FAM178B: variants seen among roughly 807,000 people sequenced by gnomAD.
The protein encoded by FAM178B is family with sequence similarity 178 member B, also known as protein FAM178B.
FAM178B carries 82 observed loss-of-function variants against 91.7 expected under a neutral mutation model. The observed-to-expected ratio is 0.89, with a 90% CI of 0.75 to 1.07. The LOEUF (loss-of-function observed/expected upper bound fraction) is 1.07, where lower values mean the gene tolerates loss of function less well. Ranked by LOEUF, FAM178B falls within the 50% of genes least tolerant of loss-of-function variation. FAM178B has a pLI of 0.00. For synonymous variants in FAM178B, 368 were observed against 359.4 expected (o/e 1.02, Z -0.27); for missense variants, 769 against 846.7 (o/e 0.91, Z 1.14).
rs144133337 is a variant in FAM178B, at chr2:96,901,979, G to T, written c.1650+641C>A. 3.6e-3 allele frequency among the ~76,000 whole-genome samples: 541 copies of T among 152,108 alleles called. 13 individuals carry two copies. In the East Asian group the frequency reaches 0.046, roughly 13 times the overall value. On this transcript the variant is annotated intron_variant, in intron 13 of 16. Transcript: ENST00000490605. ...TGCCCAGCTAGTTTTTGTATTTTTA[G>T]TAGAGACAAGGGTTTCACCACATTG...
At chr2:96,976,634 C>G (rs923898158) in intron 1 of FAM178B, among the ~76,000 whole-genome samples, 1 of 151,636 alleles carries the variant, frequency 6.6e-6, no homozygotes, top group Non-Finnish European at 1.5e-5. Context: ...CACTTGAGGT[C>G]AGGAGTTCAA....
chr2:96,913,770 T>C (rs7592101), intron 12 of FAM178B, among the ~76,000 whole-genome samples: 46,141 of 152,076 alleles, frequency 0.3, 12,463 homozygotes, highest in African/African-American at 0.73. Context: ...GGCCAAGGGG[T>C]GTGGAGCAGC....
chr2:96,972,131 G>T lies in FAM178B; in HGVS notation c.334C>A (p.Pro112Thr). ...GGGTTGAGGAATTCCACGGGCGGGG[G>T]GCTCCAGTCAGTGGGAAACGTTTCC... is the stretch of plus-strand genomic sequence containing the variant. ...PGETFPTDWS[P>T]PPVEFLNPRV... Residue 112 changes from proline (P) to threonine (T), a missense_variant, in exon 3 of 17, where the codon CCC becomes ACC. Transcript: ENST00000490605. 2.6e-6 allele frequency: 4 copies of T among 1,531,016 alleles called. No homozygotes were observed. Among genetic ancestry groups the T allele is most frequent in the Non-Finnish European group, 3.5e-6 (4 of 1,137,112 alleles). The allele number at this position is 1,531,016 out of a possible 1,614,324, so 94.8% of individuals were successfully genotyped here. A position where few individuals can be genotyped will look rare whatever the true frequency, so the allele number is the denominator to read the frequency against.
chr2:96,920,631 C>A (rs1033923558), intron 12 of FAM178B, among the ~76,000 whole-genome samples: 1 of 151,924 alleles, frequency 6.6e-6, no homozygotes, highest in Non-Finnish European at 1.5e-5. Flanking sequence ...TACAGAGCGC[C>A]GAACAGCACG....
chr2:96,884,358 T>C (rs569201541), intron 14 of FAM178B, among the ~76,000 whole-genome samples: 1 of 152,218 alleles, frequency 6.6e-6, no homozygotes, highest in South Asian at 2.1e-4. Flanking sequence ...ACTGTGGACA[T>C]CCCCCTTGGG....
intron 12 of FAM178B, among the ~76,000 whole-genome samples, chr2:96,912,423 C>T (rs1041623002): frequency 6.6e-6 from 1 of 151,958 alleles, no homozygotes; most frequent in Non-Finnish European, 1.5e-5. Context: ...AGGGTGGAAT[C>T]CTGAGGCCCA....
chr2:96,963,431 C>A (rs933224997), intron 5 of FAM178B, among the ~76,000 whole-genome samples: 2 of 152,198 alleles, frequency 1.3e-5, no homozygotes, highest in African/African-American at 4.8e-5. Flanking sequence ...AGTCTACATG[C>A]CCCACCATGC....
intron 13 of FAM178B, chr2:96,895,047 C>G (rs1405566515): frequency 7.8e-7 from 1 of 1,288,470 alleles, no homozygotes; most frequent in African/African-American, 1.5e-5. Context: ...ACTAAGTCCC[C>G]AACAGTCCAT....
intron 12 of FAM178B, among the ~76,000 whole-genome samples, chr2:96,919,957 G>A (rs1168824016): frequency 1.3e-5 from 2 of 152,168 alleles, no homozygotes; most frequent in East Asian, 1.9e-4. Context: ...GGTGTGAGGC[G>A]ATTCAAACTC....
rs967131811 is a variant in FAM178B, at chr2:96,893,940, C to T, written c.1762G>A (p.Glu588Lys). 21 of 1,612,292 alleles carry T rather than the reference C, an allele frequency of 1.3e-5. No individual in the cohort carries two copies. The highest frequency in any genetic ancestry group is 1.8e-5 in the Non-Finnish European group (21 of 1,179,476). ...TGCTCACTCACCTTGTGGTCTAGCT[C>T]GGCACTAGCCTTTGGCTGTTGCTCC... ...CQEQQPKASA[E>K]LDHKACYLCH... The change falls in exon 14 of 17, where the codon GAG becomes AAG. Residue 588 changes from glutamate to lysine, a missense_variant. Transcript: ENST00000490605.
chr2:96,943,100 G>T (rs7597743), intron 8 of FAM178B, among the ~76,000 whole-genome samples: 121,009 of 152,192 alleles, frequency 0.8, 49,690 homozygotes, highest in African/African-American at 0.94. Context: ...AATGATGTCA[G>T]TAATTTTGAC....
intron 10 of FAM178B, among the ~76,000 whole-genome samples, chr2:96,921,857 G>A (rs541246508): frequency 6.0e-4 from 92 of 152,142 alleles, no homozygotes; most frequent in Non-Finnish European, 1.0e-3. Context: ...GCTTGTCAGA[G>A]GCGTTTGAAC....
chr2:96,928,087 G>A (rs903380177), intron 9 of FAM178B, among the ~76,000 whole-genome samples: 3 of 152,180 alleles, frequency 2.0e-5, no homozygotes, highest in Non-Finnish European at 2.9e-5. Flanking sequence ...GCAGACAATT[G>A]CTAAACACAG....
chr2:96,905,543 C>T (rs2081013752), intron 12 of FAM178B, among the ~76,000 whole-genome samples: 1 of 139,160 alleles, frequency 7.2e-6, no homozygotes, highest in Non-Finnish European at 1.5e-5. Context: ...GGCGACAGAG[C>T]GAGACTCCAT....
In FAM178B at chr2:96,957,090, C is replaced by T. The variant is rs371735841; in HGVS notation, c.887+3198G>A. ...ATGTTGGCCAGGCTGCTCTAGAACTCCTGAGCTCAAGCGATCCTCCCAAAG... is the reference window on the plus strand; with the variant it reads ...ATGTTGGCCAGGCTGCTCTAGAACTTCTGAGCTCAAGCGATCCTCCCAAAG... On this transcript the variant is annotated intron_variant, in intron 6 of 16. Coordinates refer to ENST00000490605, the MANE Select transcript of FAM178B (RefSeq NM_001122646.3). 2.2e-4 allele frequency among the ~76,000 whole-genome samples: 34 copies of T among 152,162 alleles called. 5 individuals carry two copies. Among genetic ancestry groups the T allele is most frequent in the Admixed American group, 5.9e-4 (9 of 15,278 alleles).
chr2:96,951,761 G>A (rs1228716308), intron 6 of FAM178B: 16 of 350,350 alleles, frequency 4.6e-5, no homozygotes, highest in East Asian at 6.9e-5. Flanking sequence ...AGTGGCTCAC[G>A]CCTGTAATCC....
chr2:96,975,376 T>A (rs933561456), intron 1 of FAM178B, among the ~76,000 whole-genome samples: 1 of 152,198 alleles, frequency 6.6e-6, no homozygotes, highest in African/African-American at 2.4e-5. Flanking sequence ...ATACATATGT[T>A]AATTAGCTGG....
At chr2:96,945,574 T>C (rs1006846103) in intron 8 of FAM178B, among the ~76,000 whole-genome samples, 1 of 151,988 alleles carries the variant, frequency 6.6e-6, no homozygotes, top group Non-Finnish European at 1.5e-5. Flanking sequence ...ACACAAATCA[T>C]AGATACGGGT....
Position 96,921,206 on chromosome 2 carries a change from C to T in FAM178B, c.1521G>A (p.Leu507=), listed in dbSNP as rs1410482394. Residue 507 remains leucine (L), a synonymous_variant, in exon 12 of 17, where the codon CTG becomes CTA. Coordinates refer to ENST00000490605, the MANE Select transcript of FAM178B (RefSeq NM_001122646.3). The part of the protein sequence containing the change: ...SWVSDHHHNL[L]ALVQFFPDMT... Reference sequence around the variant, plus strand: ...TGTCTGGGAAGAACTGCACGAGGGCCAGCAGGTTGTGGTGGTGGTCAGACA... The same window carrying T: ...TGTCTGGGAAGAACTGCACGAGGGCTAGCAGGTTGTGGTGGTGGTCAGACA... The T allele has an allele frequency of 1.3e-6, 2 of 1,551,440 alleles. No individual in the cohort carries two copies. Among genetic ancestry groups the T allele is most frequent in the East Asian group, 2.4e-5 (1 of 40,908 alleles).
Sources: allele counts gnomAD v4.1 joint callset (sites outside exome capture counted in the v4.1 genomes callset), GRCh38; gene constraint gnomAD v4.1.1; transcripts MANE v1.5; gene names NCBI Gene and HGNC (gene_info 2026-07-23, HGNC 2026-07-21).